The following RPS6KA3 variants were observed in gnomAD, a reference collection of about 807,000 sequenced individuals.
RPS6KA3 encodes ribosomal protein S6 kinase alpha-3.
Under a neutral mutation model 67.2 loss-of-function variants are expected in RPS6KA3, and 4 were observed. That is an observed-to-expected ratio of 0.06 (90% CI 0.03 to 0.14). The LOEUF is 0.14. Among genes scored for constraint, RPS6KA3 ranks in the 10% least tolerant of loss-of-function variants. RPS6KA3 has a pLI of 1.00. For synonymous variants in RPS6KA3, 182 were observed against 183.7 expected (o/e 0.99, Z 0.07); for missense variants, 204 against 559.0 (o/e 0.36, Z 6.40).
intron 1 of RPS6KA3, among the ~76,000 whole-genome samples, chrX:20,242,037 A>C (rs1001454813): frequency 2.7e-5 from 3 of 111,898 alleles, no homozygotes; most frequent in African/African-American, 9.7e-5. Context: ...CACCAACCTA[A>C]TATCTAGAAA....
At chrX:20,253,991 A>G (rs1245794830) in intron 1 of RPS6KA3, among the ~76,000 whole-genome samples, 3 of 111,799 alleles carry the variant, frequency 2.7e-5, no homozygotes, top group Non-Finnish European at 5.6e-5. Context: ...GGCAAAACTT[A>G]TTTTTAATTT....
In RPS6KA3 at chrX:20,169,392, A is replaced by G. The variant is rs1296532198; in HGVS notation, c.1443+10T>C. The G allele has an allele frequency of 9.6e-7, 1 of 1,039,740 alleles. No individual in the cohort carries two copies. The highest frequency in any genetic ancestry group is 1.4e-6 in the Non-Finnish European group (1 of 738,581). The allele number at this position is 1,039,740 out of a possible 1,213,427, so 85.7% of individuals were successfully genotyped here. Reference sequence around the variant, plus strand: ...TGATTCAAATGATCCATATTAAAGAATCTACTTACATCCTTTAGAGTGATA... The same window carrying G: ...TGATTCAAATGATCCATATTAAAGAGTCTACTTACATCCTTTAGAGTGATA... On this transcript the variant is annotated intron_variant, in intron 16 of 21. Transcript: ENST00000379565.
chrX:20,231,415 T>C lies in RPS6KA3; in HGVS notation c.126+3343A>G, dbSNP rs957266049. 1.8e-4 allele frequency among the ~76,000 whole-genome samples: 20 copies of C among 112,240 alleles called. No individual in the cohort carries two copies. In the Admixed American group the frequency reaches 1.8e-3, roughly 10 times the overall value. On this transcript the variant is annotated intron_variant, in intron 2 of 21. Transcript: ENST00000379565. ...ATCCCAATAAATTTTTCAGAAGTAC[T>C]TGATGAACTGATTGTAAAGTTTATC...
chrX:20,227,827 T>C (rs747883781), intron 2 of RPS6KA3, among the ~76,000 whole-genome samples: 4 of 111,386 alleles, frequency 3.6e-5, no homozygotes, highest in African/African-American at 1.3e-4. Flanking sequence ...TTCAGAGATA[T>C]TACAACGTAA....
rs1188156206 is a variant in RPS6KA3, at chrX:20,243,713, C to T, written c.70-8899G>A. On this transcript the variant is annotated intron_variant, in intron 1 of 21. Coordinates refer to ENST00000379565, the MANE Select transcript of RPS6KA3 (RefSeq NM_004586.3). ...TTCACCATGTTGGTCAGGCTGGTCT[C>T]GAACTCCTGACCTCAAGTGATCCAC... Among the ~76,000 whole-genome samples, 4 of 109,165 alleles carry T rather than the reference C, an allele frequency of 3.7e-5. No homozygotes were observed. The East Asian group carries it at 8.6e-4, about 24-fold the overall frequency. 94.8% of individuals were successfully genotyped at this position (109,165 alleles called of 115,157 possible). A position where few individuals can be genotyped will look rare whatever the true frequency, so the allele number is the denominator to read the frequency against.
intron 18 of RPS6KA3, among the ~76,000 whole-genome samples, chrX:20,163,742 C>T (rs1478950061): frequency 9.0e-6 from 1 of 111,034 alleles, no homozygotes; most frequent in Non-Finnish European, 1.9e-5. Context: ...GATCTTGGCT[C>T]ACTGCAGCCT....
At chrX:20,247,716 G>A (rs2069733000) in intron 1 of RPS6KA3, among the ~76,000 whole-genome samples, 1 of 108,837 alleles carries the variant, frequency 9.2e-6, no homozygotes, top group Non-Finnish European at 1.9e-5. Flanking sequence ...GAACCCGGGA[G>A]GTGGAGCTTG....
chrX:20,173,385 C>A (rs1262952347), intron 14 of RPS6KA3, among the ~76,000 whole-genome samples: 1 of 112,072 alleles, frequency 8.9e-6, no homozygotes, highest in African/African-American at 3.2e-5. Flanking sequence ...TATTTGCAAG[C>A]AATACCTGTT....
chrX:20,194,396 G>A (rs1203546649), intron 5 of RPS6KA3, 128 bp from the exon 6 acceptor site: 1 of 463,245 alleles, frequency 2.2e-6, no homozygotes, highest in Non-Finnish European at 3.8e-6. Flanking sequence ...TTACTTAGAA[G>A]AAAACCACTG....
chrX:20,256,190 A>G (rs1211562981), intron 1 of RPS6KA3, among the ~76,000 whole-genome samples: 1 of 104,364 alleles, frequency 9.6e-6, no homozygotes, highest in Non-Finnish European at 2.0e-5. Flanking sequence ...AAAAAAAAAA[A>G]AAAAAAAAAG....
intron 2 of RPS6KA3, among the ~76,000 whole-genome samples, chrX:20,215,626 T>C (rs1487477883): frequency 8.9e-6 from 1 of 112,111 alleles, no homozygotes; most frequent in Non-Finnish European, 1.9e-5. Flanking sequence ...TTGTACTTAA[T>C]GTCACCAGGT....
chrX:20,251,140 T>C (rs1235978466), intron 1 of RPS6KA3, among the ~76,000 whole-genome samples: 2 of 111,471 alleles, frequency 1.8e-5, no homozygotes, highest in East Asian at 5.6e-4. Flanking sequence ...CTGGCATCCA[T>C]AGATGTTTTG....
At chrX:20,257,660 C>T (rs1353032287) in intron 1 of RPS6KA3, among the ~76,000 whole-genome samples, 2 of 112,114 alleles carry the variant, frequency 1.8e-5, no homozygotes, top group Non-Finnish European at 3.8e-5. Flanking sequence ...TTAACTAGCA[C>T]AGTACAGTGA....
intron 2 of RPS6KA3, 49 bp downstream of exon 2, chrX:20,234,709 T>C (rs769250872): frequency 5.9e-6 from 5 of 845,597 alleles, no homozygotes; most frequent in South Asian, 4.0e-5. Flanking sequence ...ATAATAACTT[T>C]ACAGTATTTC....
At chrX:20,265,723 C>G (rs2070358612) in intron 1 of RPS6KA3, 1 of 110,656 alleles carries the variant, frequency 9.0e-6, no homozygotes, top group South Asian at 3.8e-4. Flanking sequence ...CAGGAAAGCT[C>G]GGTGTAGTGA....
intron 1 of RPS6KA3, among the ~76,000 whole-genome samples, chrX:20,261,307 T>G (rs1247908550): frequency 2.7e-5 from 3 of 112,041 alleles, no homozygotes; most frequent in Admixed American, 9.4e-5. Flanking sequence ...AAGAGAGGAT[T>G]TGAAATGTTC....
At position 20,176,876 on chromosome X, in the gene RPS6KA3, GCCAC is replaced by G. The variant is rs2067713823; in HGVS notation, c.934+116_934+119del. The G allele has an allele frequency of 7.1e-6, 4 of 563,352 alleles. No homozygotes were observed. The East Asian group carries it at 1.4e-4, about 20-fold the overall frequency. 46.4% of individuals were successfully genotyped at this position (563,352 alleles called of 1,213,427 possible). On this transcript the variant is annotated intron_variant, in intron 11 of 21. Transcript: ENST00000379565. ...CAAAGTGCTGGGATTACAGGCGTGAGCCACCAGGCCTAGCCTTGTCTAAATAGTT... is the reference window on the plus strand; with the variant it reads ...CAAAGTGCTGGGATTACAGGCGTGAGCAGGCCTAGCCTTGTCTAAATAGTT...
intron 1 of RPS6KA3, among the ~76,000 whole-genome samples, chrX:20,251,499 T>C: frequency 8.8e-6 from 1 of 113,105 alleles, no homozygotes; most frequent in East Asian, 2.8e-4. Flanking sequence ...CCACTGTGCC[T>C]GGCAGACGTC....
chrX:20,232,141 T>C (rs1397763582), intron 2 of RPS6KA3, among the ~76,000 whole-genome samples: 1 of 111,955 alleles, frequency 8.9e-6, no homozygotes, highest in East Asian at 2.8e-4. Context: ...GGATCACAGA[T>C]CTAAATGTAA....
Sources: gnomAD v4.1 joint callset for allele counts (sites outside exome capture counted in the v4.1 genomes callset) on GRCh38, gnomAD v4.1.1 for gene constraint, MANE v1.5 for transcripts, NCBI Gene and HGNC (gene_info 2026-07-23, HGNC 2026-07-21) for gene names.